Variants in GNA14 observed in about 807,000 individuals in gnomAD.
GNA14 encodes the protein guanine nucleotide-binding protein subunit alpha-14.
In GNA14, 50 loss-of-function variants were observed where a neutral mutation model predicts 42.0. The observed-to-expected ratio is 1.19, with a 90% confidence interval of 0.95 to 1.51. The LOEUF is 1.51. GNA14 is among the 40% of genes most tolerant of loss of function. The probability of loss-of-function intolerance (pLI) is 0.00; values close to 1 mark genes in which losing one functional copy is unlikely to be tolerated. For missense variants in GNA14, 473 were observed against 446.2 expected (o/e 1.06, Z -0.54); for synonymous variants, 173 against 163.1 (o/e 1.06, Z -0.46).
chr9:77,559,760 A>G (rs1040769436), intron 1 of GNA14, among the ~76,000 whole-genome samples: 1 of 152,200 alleles, frequency 6.6e-6, no homozygotes, highest in African/African-American at 2.4e-5. Flanking sequence ...CCCCTTTCCC[A>G]ATTTACCTAA....
intron 1 of GNA14, among the ~76,000 whole-genome samples, chr9:77,556,861 A>T (rs1822788981): frequency 6.6e-6 from 1 of 152,140 alleles, no homozygotes. Flanking sequence ...TTTGGGGAGG[A>T]TGCACTTTCT....
rs542930080 is a variant in GNA14, at chr9:77,632,516, C to T, written c.124+15154G>A. 5.9e-5 allele frequency among the ~76,000 whole-genome samples: 9 copies of T among 152,284 alleles called. No individual in the cohort carries two copies. The East Asian group carries it at 1.7e-3, about 29-fold the overall frequency. ...TAACACAAACAGGGCTGAAATATGCCCCTTGCTTGCCACATTGTGGACAAA... is the reference window on the plus strand; with the variant it reads ...TAACACAAACAGGGCTGAAATATGCTCCTTGCTTGCCACATTGTGGACAAA... On this transcript the variant is annotated intron_variant, in intron 1 of 6. Transcript: ENST00000341700.
At chr9:77,600,031 A>AC (rs1266765690) in intron 1 of GNA14, among the ~76,000 whole-genome samples, 2 of 152,232 alleles carry the variant, frequency 1.3e-5, no homozygotes. Flanking sequence ...CACAATGCAT[A>AC]CATACTTTAA....
chr9:77,426,731 T>A (rs1835459598), intron 5 of GNA14, among the ~76,000 whole-genome samples: 1 of 152,216 alleles, frequency 6.6e-6, no homozygotes, highest in African/African-American at 2.4e-5. Flanking sequence ...TGCTCCTAAT[T>A]TACTGAGAAC....
At chr9:77,489,123 C>A (rs1836711214) in intron 2 of GNA14, among the ~76,000 whole-genome samples, 1 of 151,988 alleles carries the variant, frequency 6.6e-6, no homozygotes, top group Non-Finnish European at 1.5e-5. Flanking sequence ...AGCAATACAT[C>A]TGCAGAACTG....
At chr9:77,588,559 G>A (rs1046166058) in intron 1 of GNA14, among the ~76,000 whole-genome samples, 6 of 152,014 alleles carry the variant, frequency 3.9e-5, no homozygotes, top group Middle Eastern at 3.2e-3. Context: ...GAGAAGAGAA[G>A]GAAAGTTTAA....
intron 1 of GNA14, among the ~76,000 whole-genome samples, chr9:77,615,285 T>A (rs1365142969): frequency 6.6e-6 from 1 of 151,882 alleles, no homozygotes; most frequent in South Asian, 2.1e-4. Flanking sequence ...CAAATTGGGG[T>A]TTCAGGAGAC....
rs1374348693 is a variant in GNA14 at position 77,434,364 on chromosome 9, T to G, written c.464+4A>C. 1 of 1,612,808 alleles carries G rather than the reference T, an allele frequency of 6.2e-7. No homozygotes were observed. The highest frequency in any genetic ancestry group is 8.5e-7 in the Non-Finnish European group (1 of 1,179,560). Reference sequence around the variant, plus strand: ...CGGGCGGCCAGGGTGGGCTCTGTACTCACTATTTGGCAGAGTCCGACAGCT... The same window carrying G: ...CGGGCGGCCAGGGTGGGCTCTGTACGCACTATTTGGCAGAGTCCGACAGCT... On this transcript the variant is annotated splice_donor_region_variant and intron_variant, in intron 3 of 6. Transcript: ENST00000341700.
At chr9:77,515,789 C>T (rs1016278254) in intron 2 of GNA14, among the ~76,000 whole-genome samples, 1 of 151,366 alleles carries the variant, frequency 6.6e-6, no homozygotes, top group African/African-American at 2.4e-5. Context: ...CATAGGGAGA[C>T]CCCATCTTTA....
chr9:77,507,242 T>G (rs1453849887), intron 2 of GNA14, among the ~76,000 whole-genome samples: 1 of 152,132 alleles, frequency 6.6e-6, no homozygotes, highest in Admixed American at 6.5e-5. Flanking sequence ...TGTTTGGGAG[T>G]TAAATAATGA....
chr9:77,600,580 A>G (rs947908529), intron 1 of GNA14, among the ~76,000 whole-genome samples: 8 of 152,158 alleles, frequency 5.3e-5, no homozygotes, highest in Non-Finnish European at 1.0e-4. Flanking sequence ...TCCTTTAAGA[A>G]ACTCAGGGTA....
At chr9:77,564,630 C>T (rs1250857951) in intron 1 of GNA14, among the ~76,000 whole-genome samples, 1 of 151,846 alleles carries the variant, frequency 6.6e-6, no homozygotes, top group Non-Finnish European at 1.5e-5. Flanking sequence ...GTCAGGAGTT[C>T]AAGACCAGCC....
chr9:77,498,401 A>G (rs937871876), intron 2 of GNA14, among the ~76,000 whole-genome samples: 18 of 149,584 alleles, frequency 1.2e-4, no homozygotes, highest in Non-Finnish European at 2.1e-4. Flanking sequence ...AAAAAAAGAA[A>G]AAGAAAACAA....
chr9:77,612,097 T>G (rs907998576), intron 1 of GNA14, among the ~76,000 whole-genome samples: 2 of 152,156 alleles, frequency 1.3e-5, no homozygotes, highest in African/African-American at 4.8e-5. Context: ...AGGCTAAAGA[T>G]CTACATCTAT....
chr9:77,626,481 T>C (rs1239296469), intron 1 of GNA14, among the ~76,000 whole-genome samples: 1 of 152,148 alleles, frequency 6.6e-6, no homozygotes, highest in Non-Finnish European at 1.5e-5. Flanking sequence ...GACCGCATCA[T>C]TGGAAGTAAA....
chr9:77,632,214 G>C (rs1327772872), intron 1 of GNA14, among the ~76,000 whole-genome samples: 1 of 152,214 alleles, frequency 6.6e-6, no homozygotes, highest in Admixed American at 6.5e-5. Context: ...GAAGCCAAGG[G>C]GGGCACTGAG....
At chr9:77,616,336 C>T (rs1383342951) in intron 1 of GNA14, among the ~76,000 whole-genome samples, 3 of 152,338 alleles carry the variant, frequency 2.0e-5, no homozygotes, top group Admixed American at 2.0e-4. Context: ...TTTGGCAATG[C>T]TAATGGCATG....
intron 2 of GNA14, among the ~76,000 whole-genome samples, chr9:77,438,291 T>C (rs1309121618): frequency 6.6e-6 from 1 of 151,678 alleles, no homozygotes; most frequent in Non-Finnish European, 1.5e-5. Flanking sequence ...TTTAAAGACA[T>C]AGTTTCACTC....
At chr9:77,508,073 A>G (rs1327360013) in intron 2 of GNA14, among the ~76,000 whole-genome samples, 1 of 149,830 alleles carries the variant, frequency 6.7e-6, no homozygotes, top group Non-Finnish European at 1.5e-5. Context: ...TGTTGAAGAA[A>G]CTCTCCACTA....
Sources: allele counts gnomAD v4.1 joint callset (sites outside exome capture counted in the v4.1 genomes callset), GRCh38; gene constraint gnomAD v4.1.1; transcripts MANE v1.5; gene names NCBI Gene and HGNC (gene_info 2026-07-23, HGNC 2026-07-21).